Variants in AHRR observed in about 807,000 individuals in gnomAD.
AHRR encodes ahR repressor.
In AHRR, 28 loss-of-function variants were observed where a neutral mutation model predicts 44.0. That is an observed-to-expected ratio of 0.64 (90% CI 0.47 to 0.87). The LOEUF is 0.87. Among genes scored for constraint, AHRR ranks in the 40% least tolerant of loss-of-function variants. AHRR has a pLI of 0.00. For missense variants in AHRR, 990 were observed against 953.9 expected (o/e 1.04, Z -0.50); for synonymous variants, 434 against 407.0 (o/e 1.07, Z -0.80).
At chr5:344,059 G>C in intron 2 of AHRR, 95 bp downstream of exon 2, 1 of 1,342,438 alleles carries the variant, frequency 7.4e-7, no homozygotes, top group Non-Finnish European at 1.0e-6. Flanking sequence ...GGAACAGGGC[G>C]AGCGAGGAAG....
At chr5:372,299 G>A (rs1438508130) in intron 3 of AHRR, among the ~76,000 whole-genome samples, 2 of 152,088 alleles carry the variant, frequency 1.3e-5, no homozygotes, top group African/African-American at 2.4e-5. Flanking sequence ...ATGGAGGCAT[G>A]TCCTCCTTCC....
In AHRR at chr5:395,727, A is replaced by C. The variant is rs2126481816; in HGVS notation, c.352-17617A>C. ...AGTGTCCAGCAGTTGAAATTTAACA[A>C]GTGGGGAGACACTCCTCCGCCACAG... On this transcript the variant is annotated intron_variant, in intron 4 of 10. Coordinates refer to ENST00000684583, the MANE Select transcript of AHRR (RefSeq NM_001377236.1). This position sits in a 1 kb window ranked among gnomAD's most constrained non-coding sequence, Gnocchi z 5.3. 6.6e-6 allele frequency among the ~76,000 whole-genome samples: 1 copy of C among 152,322 alleles called. No individual in the cohort carries two copies. Among genetic ancestry groups the C allele is most frequent in the African/African-American group, 2.4e-5 (1 of 41,576 alleles).
chr5:415,050 G>T (rs1735661944), intron 5 of AHRR, among the ~76,000 whole-genome samples: 1 of 152,242 alleles, frequency 6.6e-6, no homozygotes, highest in Admixed American at 6.5e-5. Flanking sequence ...CCATGGCCGG[G>T]GCAGTGGAGA....
At chr5:400,100 C>T (rs920112657) in intron 4 of AHRR, among the ~76,000 whole-genome samples, 5 of 152,146 alleles carry the variant, frequency 3.3e-5, no homozygotes, top group African/African-American at 9.7e-5. Flanking sequence ...ACCGTGGCAA[C>T]GGCTCTCAGG....
At chr5:413,457 C>T (rs1560914420) in intron 5 of AHRR, 24 bp downstream of exon 5, 1 of 1,534,806 alleles carries the variant, frequency 6.5e-7, no homozygotes, top group Non-Finnish European at 9.0e-7. Context: ...GAATAGCCCT[C>T]CAGTCTGTTA....
chr5:340,688 A>ATTTT (rs539789608), intron 1 of AHRR, among the ~76,000 whole-genome samples: 12 of 12,924 alleles, frequency 9.3e-4, no homozygotes, highest in Middle Eastern at 0.083. Flanking sequence ...ATATATATAT[A>ATTTT]TTTTTTTTTT....
intron 5 of AHRR, among the ~76,000 whole-genome samples, chr5:422,044 C>G (rs1736150664): frequency 6.6e-6 from 1 of 152,170 alleles, no homozygotes; most frequent in South Asian, 2.1e-4. Flanking sequence ...AGATGCCTGA[C>G]TTTCTTCAGT....
chr5:432,329 A>C lies in AHRR; in HGVS notation c.909-134A>C, dbSNP rs188014431. On this transcript the variant is annotated intron_variant, in intron 8 of 10. Coordinates refer to ENST00000684583, the MANE Select transcript of AHRR (RefSeq NM_001377236.1). Reference sequence around the variant, plus strand: ...ATAAAGAATTAAACAAGAGTGAACTATTGTTTCTGTCTTCACTGCTCAGGT... The same window carrying C: ...ATAAAGAATTAAACAAGAGTGAACTCTTGTTTCTGTCTTCACTGCTCAGGT... 253 of 782,844 alleles carry C rather than the reference A, an allele frequency of 3.2e-4. No homozygotes were observed. The African/African-American group carries it at 4.2e-3, about 13-fold the overall frequency. The allele number at this position is 782,844 out of a possible 1,614,324, so 48.5% of individuals were successfully genotyped here.
chr5:325,835 T>A (rs1388882414), intron 1 of AHRR, among the ~76,000 whole-genome samples: 1 of 152,200 alleles, frequency 6.6e-6, no homozygotes. Context: ...CAGGCTGGAG[T>A]GCAGTGGCGT....
chr5:404,272 C>T lies in AHRR; in HGVS notation c.352-9072C>T. The stretch of plus-strand genomic sequence containing the variant: ...CCATGCATGTTCCCAAATCATTGCC[C>T]TTCTCATCAAACATGTGAATAATTC... On this transcript the variant is annotated intron_variant, in intron 4 of 10. Coordinates refer to ENST00000684583, the MANE Select transcript of AHRR (RefSeq NM_001377236.1). The surrounding 1 kb of genome is among the most constrained non-coding windows in gnomAD (Gnocchi z 4.1). 2.0e-6 allele frequency: 1 copy of T among 499,088 alleles called. No homozygotes were observed. The highest frequency in any genetic ancestry group is 5.1e-5 in the East Asian group (1 of 19,738). 30.9% of individuals were successfully genotyped at this position (499,088 alleles called of 1,614,324 possible).
At chr5:400,464 G>T (rs1027648174) in intron 4 of AHRR, among the ~76,000 whole-genome samples, 1 of 151,992 alleles carries the variant, frequency 6.6e-6, no homozygotes, top group Non-Finnish European at 1.5e-5. Context: ...ACATGGATGT[G>T]ATCTTTTTCC....
At chr5:376,552 A>ATGAGAACCGTGGGGTGAACGCG in intron 3 of AHRR, 58 bp from the exon 4 acceptor site, 1 of 1,397,072 alleles carries the variant, frequency 7.2e-7, no homozygotes, top group African/African-American at 1.4e-5. Context: ...ATGTGAATGA[A>ATGAGAACCGTGGGGTGAACGCG]GAAGAGTGGC....
chr5:354,612 C>A, intron 3 of AHRR, among the ~76,000 whole-genome samples: 1 of 151,976 alleles, frequency 6.6e-6, no homozygotes, highest in Non-Finnish European at 1.5e-5. Flanking sequence ...GACCGTGGGG[C>A]CTTTGCTGTT....
chr5:330,096 G>C (rs1238913062), intron 1 of AHRR, among the ~76,000 whole-genome samples: 2 of 152,182 alleles, frequency 1.3e-5, no homozygotes, highest in South Asian at 2.1e-4. Context: ...GATGTTAGCT[G>C]TGGGTCTGTA....
chr5:398,182 CT>C lies in AHRR; in HGVS notation c.352-15161del, dbSNP rs1338233998. ...ACGTAGCCCCTGACCATCCACGTAG[CT>C]CCTGACCATCCACGTAGCTCCTGAC... On this transcript the variant is annotated intron_variant, in intron 4 of 10. Transcript: ENST00000684583. Among the ~76,000 whole-genome samples the C allele has an allele frequency of 4.9e-4, 62 of 127,644 alleles. 7 individuals are homozygous for C. Among genetic ancestry groups the C allele is most frequent in the African/African-American group, 1.9e-3 (53 of 27,378 alleles). The allele number at this position is 127,644 out of a possible 152,430, so 83.7% of individuals were successfully genotyped here. A position where few individuals can be genotyped will look rare whatever the true frequency, so the allele number is the denominator to read the frequency against.
chr5:367,801 T>A, intron 3 of AHRR: 1 of 701,718 alleles, frequency 1.4e-6, no homozygotes, highest in Non-Finnish European at 2.6e-6. Context: ...CTCTGTTGTA[T>A]GCCCAGGACA....
At position 434,739 on chromosome 5, in the gene AHRR, A is replaced by G. The variant is rs1222461417; in HGVS notation, c.1999A>G (p.Thr667Ala). 5.7e-6 allele frequency: 9 copies of G among 1,569,230 alleles called. No homozygotes were observed. The East Asian group carries it at 9.4e-5, about 16-fold the overall frequency. ...GCCCTTGGACTCACCCCAGTGGGCTACTCACAGCCAGGGAATGGTGCCCGG... is the reference window on the plus strand; with the variant it reads ...GCCCTTGGACTCACCCCAGTGGGCTGCTCACAGCCAGGGAATGGTGCCCGG... Reference protein sequence around the residue: ...REPLDSPQWATHSQGMVPGML... With the variant: ...REPLDSPQWAAHSQGMVPGML... Residue 667 changes from threonine (T) to alanine (A), a missense_variant, in exon 11 of 11, where the codon ACT becomes GCT. Coordinates refer to ENST00000684583, the MANE Select transcript of AHRR (RefSeq NM_001377236.1).
intron 3 of AHRR, among the ~76,000 whole-genome samples, chr5:354,716 C>T (rs900510251): frequency 1.4e-4 from 22 of 152,114 alleles, no homozygotes; most frequent in Admixed American, 1.2e-3. Context: ...TTAAAAACCC[C>T]GTGACCAGCA....
In AHRR at chr5:426,125, G is replaced by A. The variant is rs146834267; in HGVS notation, c.709-1682G>A. Among the ~76,000 whole-genome samples the A allele has an allele frequency of 6.3e-3, 965 of 152,352 alleles. 8 individuals are homozygous for A. Among genetic ancestry groups the A allele is most frequent in the Middle Eastern group, 0.041 (12 of 294 alleles). ...GATGTTAAACATTTCCCAGCACACC[G>A]CTGCCTTGAATCCCCACCAATTATG... On this transcript the variant is annotated intron_variant, in intron 7 of 10. Coordinates refer to ENST00000684583, the MANE Select transcript of AHRR (RefSeq NM_001377236.1).
Sources: gnomAD v4.1 joint callset for allele counts (sites outside exome capture counted in the v4.1 genomes callset) on GRCh38, gnomAD v4.1.1 for gene constraint, Gnocchi (gnomAD v3.1) non-coding constraint, MANE v1.5 for transcripts, NCBI Gene and HGNC (gene_info 2026-07-23, HGNC 2026-07-21) for gene names.